Variants in RABEP1 observed in about 807,000 individuals in gnomAD.
RABEP1 encodes the protein rabaptin, RAB GTPase binding effector protein 1, also known as rab GTPase-binding effector protein 1.
A neutral mutation model predicts 123.4 loss-of-function variants in RABEP1; 51 were observed. The observed-to-expected ratio is 0.41, with a 90% CI of 0.33 to 0.52. The LOEUF (loss-of-function observed/expected upper bound fraction) is 0.52. Ranked by LOEUF, RABEP1 falls within the 20% of genes least tolerant of loss-of-function variation. RABEP1 has a pLI of 0.16. For synonymous variants in RABEP1, 347 were observed against 355.2 expected (o/e 0.98, Z 0.26); for missense variants, 888 against 996.3 (o/e 0.89, Z 1.46).
chr17:5,357,962 G>A (rs1314362458), intron 8 of RABEP1, among the ~76,000 whole-genome samples: 1 of 152,264 alleles, frequency 6.6e-6, no homozygotes, highest in East Asian at 1.9e-4. Flanking sequence ...TATAGGGTCT[G>A]TTCTTAGCTG....
At chr17:5,382,923 TCCC>T (rs145538993) in intron 17 of RABEP1, among the ~76,000 whole-genome samples, 196 bp from the exon 18 acceptor site, 1 of 150,792 alleles carries the variant, frequency 6.6e-6, no homozygotes, top group African/African-American at 2.5e-5. Flanking sequence ...AGCAAAACTC[TCCC>T]CCCCAAAAAA....
Position 5,333,190 on chromosome 17 carries a change from TCTCA to T in RABEP1, c.367+1042_367+1045del, listed in dbSNP as rs536101053. ...TTATTTTTTACTTTTTGAGATGGAG[TCTCA>T]CTCTGTTGCCCAGGCTGGAGTGCAG... On this transcript the variant is annotated intron_variant, in intron 3 of 17. Transcript: ENST00000537505. Among the ~76,000 whole-genome samples, 435 of 152,228 alleles carry T rather than the reference TCTCA, an allele frequency of 2.9e-3. 2 individuals carry two copies. The highest frequency in any genetic ancestry group is 9.3e-3 in the African/African-American group (386 of 41,542).
In RABEP1 at chr17:5,386,334, A is replaced by C; in HGVS notation, c.*3111A>C. 1 of 1,231,614 alleles carries C rather than the reference A, an allele frequency of 8.1e-7. No homozygotes were observed. The highest frequency in any genetic ancestry group is 1.5e-5 in the African/African-American group (1 of 65,984). 76.3% of individuals were successfully genotyped at this position (1,231,614 alleles called of 1,614,324 possible). A position where few individuals can be genotyped will look rare whatever the true frequency, so the allele number is the denominator to read the frequency against. On this transcript the variant is annotated 3_prime_UTR_variant, in exon 18 of 18. Transcript: ENST00000537505. The stretch of plus-strand genomic sequence containing the variant: ...AAACCATTTATATGGATTCTTAAGA[A>C]TTTAAACTGGTAATGTTGAAACATC...
chr17:5,368,541 T>G, intron 12 of RABEP1, 73 bp downstream of exon 12: 1 of 1,088,208 alleles, frequency 9.2e-7, no homozygotes, highest in Non-Finnish European at 1.4e-6. Context: ...TGACATCATC[T>G]TTGATAGGAA....
intron 1 of RABEP1, among the ~76,000 whole-genome samples, chr17:5,293,009 G>T (rs1387637541): frequency 2.0e-5 from 3 of 152,124 alleles, no homozygotes; most frequent in Non-Finnish European, 4.4e-5. Context: ...ATAAATATTG[G>T]CCAGGTGTGG....
At chr17:5,316,757 C>G (rs1193808148) in intron 2 of RABEP1, among the ~76,000 whole-genome samples, 1 of 137,318 alleles carries the variant, frequency 7.3e-6, no homozygotes, top group African/African-American at 2.8e-5. Flanking sequence ...TGCCTGAACC[C>G]AAGAGACAGA....
intron 4 of RABEP1, 34 bp from the exon 5 acceptor site, chr17:5,337,983 GAA>G: frequency 6.4e-7 from 1 of 1,569,020 alleles, no homozygotes; most frequent in Non-Finnish European, 8.6e-7. Context: ...AGCAGTAAAT[GAA>G]TAAGTCGTAG....
At chr17:5,347,410 AAAACAAACAAACAAACAAACAAAC>A (rs72095260) in intron 6 of RABEP1, among the ~76,000 whole-genome samples, 6 of 150,342 alleles carry the variant, frequency 4.0e-5, no homozygotes, top group South Asian at 2.1e-4. Flanking sequence ...ACTTCATCTC[AAAACAAACAAACAAACAAACAAAC>A]AAACAAACAA....
intron 1 of RABEP1, among the ~76,000 whole-genome samples, chr17:5,308,446 G>C (rs1341359684): frequency 1.3e-5 from 2 of 152,056 alleles, no homozygotes; most frequent in Non-Finnish European, 2.9e-5. Context: ...GGCTGGTCTC[G>C]AACTCCTGAC....
At chr17:5,367,408 A>T (rs927754274) in intron 11 of RABEP1, among the ~76,000 whole-genome samples, 1 of 151,698 alleles carries the variant, frequency 6.6e-6, no homozygotes, top group Non-Finnish European at 1.5e-5. Flanking sequence ...AGTAGCTGGG[A>T]CTACAGGCAC....
In RABEP1 at chr17:5,282,349, C is replaced by T; in HGVS notation, c.-138C>T. 3.1e-6 allele frequency: 2 copies of T among 636,368 alleles called. No individual in the cohort carries two copies. Among genetic ancestry groups the T allele is most frequent in the Non-Finnish European group, 2.3e-6 (1 of 435,282 alleles). The allele number at this position is 636,368 out of a possible 1,614,324, so 39.4% of individuals were successfully genotyped here. ...CTGCCCGCGGCTGTGGCGGCGCCGG[C>T]GGATCCAGCCTTAGCGGTTTCTCTC... is the stretch of plus-strand genomic sequence containing the variant. On this transcript the variant is annotated 5_prime_UTR_variant, in exon 1 of 18. Transcript: ENST00000537505.
intron 9 of RABEP1, among the ~76,000 whole-genome samples, chr17:5,362,410 C>G (rs1033105128): frequency 2.0e-5 from 3 of 152,166 alleles, no homozygotes; most frequent in Admixed American, 6.5e-5. Flanking sequence ...CTTTCCTTGA[C>G]TGAGGGCTGC....
chr17:5,382,925 C>G (rs1314224329), intron 17 of RABEP1, among the ~76,000 whole-genome samples, 197 bp from the exon 18 acceptor site: 1 of 144,840 alleles, frequency 6.9e-6, no homozygotes, highest in African/African-American at 2.9e-5. Flanking sequence ...CAAAACTCTC[C>G]CCCCCAAAAA....
intron 3 of RABEP1, among the ~76,000 whole-genome samples, chr17:5,333,681 C>T (rs1250029669): frequency 6.6e-6 from 1 of 152,186 alleles, no homozygotes; most frequent in South Asian, 2.1e-4. Context: ...TCCCAGAACA[C>T]GAAATCCAAA....
chr17:5,377,883 T>G (rs1209621456), intron 14 of RABEP1, among the ~76,000 whole-genome samples: 1 of 152,134 alleles, frequency 6.6e-6, no homozygotes, highest in East Asian at 1.9e-4. Context: ...ATAGATAGGA[T>G]TCTCAGTACT....
At chr17:5,367,434 G>T (rs973177753) in intron 11 of RABEP1, among the ~76,000 whole-genome samples, 2 of 150,954 alleles carry the variant, frequency 1.3e-5, no homozygotes, top group Admixed American at 1.3e-4. Flanking sequence ...ACCACGCCCG[G>T]CTAATTTTTT....
chr17:5,383,093 C>T, intron 17 of RABEP1, 29 bp from the exon 18 acceptor site: 1 of 1,598,524 alleles, frequency 6.3e-7, no homozygotes, highest in Non-Finnish European at 8.6e-7. Flanking sequence ...CAGGAGCCAC[C>T]TGTAGTTATC....
In RABEP1 at chr17:5,365,241, A is replaced by G. The variant is rs748164422; in HGVS notation, c.1785+3A>G. 4.4e-6 allele frequency: 7 copies of G among 1,597,628 alleles called. No individual in the cohort carries two copies. Among genetic ancestry groups the G allele is most frequent in the African/African-American group, 1.3e-5 (1 of 74,200 alleles). ...GCAGCGAAGATTCGAGTCACCAGGT[A>G]AGGGAGGGTTTATAGACTGTGGCCC... On this transcript the variant is annotated splice_donor_region_variant and intron_variant, in intron 11 of 17. Transcript: ENST00000537505.
intron 6 of RABEP1, among the ~76,000 whole-genome samples, chr17:5,348,316 G>A (rs1171270071): frequency 6.6e-6 from 1 of 152,192 alleles, no homozygotes; most frequent in African/African-American, 2.4e-5. Context: ...CTTAAATGGA[G>A]TTTTGGAAGG....
Sources: allele counts gnomAD v4.1 joint callset (sites outside exome capture counted in the v4.1 genomes callset), GRCh38; gene constraint gnomAD v4.1.1; transcripts MANE v1.5; gene names NCBI Gene and HGNC (gene_info 2026-07-23, HGNC 2026-07-21).